HROB: variants seen among roughly 807,000 people sequenced by gnomAD.
The protein encoded by HROB is homologous recombination factor with OB-fold.
A neutral mutation model predicts 61.0 loss-of-function variants in HROB; 44 were observed. The ratio of observed to expected loss-of-function variants is 0.72; its 90% confidence interval spans 0.57 to 0.93. HROB has a LOEUF of 0.93. HROB is among the 40% of genes least tolerant of loss of function. The probability of loss-of-function intolerance (pLI) is 0.00; values close to 1 mark genes in which losing one functional copy is unlikely to be tolerated. For synonymous variants in HROB, 301 were observed against 310.4 expected, an observed-to-expected ratio of 0.97 and a Z score of 0.32; for missense variants, 716 against 796.2, an observed-to-expected ratio of 0.90 and a Z score of 1.21.
In HROB at chr17:44,142,087, TC is replaced by T; in HGVS notation, c.-52del. 6.5e-7 allele frequency: 1 copy of T among 1,530,048 alleles called. No individual in the cohort carries two copies. The highest frequency in any genetic ancestry group is 1.4e-5 in the African/African-American group (1 of 72,258). 94.8% of individuals were successfully genotyped at this position (1,530,048 alleles called of 1,614,324 possible). A position where few individuals can be genotyped will look rare whatever the true frequency, so the allele number is the denominator to read the frequency against. On this transcript the variant is annotated 5_prime_UTR_variant, in exon 1 of 10. Coordinates refer to ENST00000585683, the MANE Select transcript of HROB (RefSeq NM_001171251.3). ...GGGTCGTGTCCAAGGCCCCGGCGAC[TC>T]CCCGGACTCGGGGTGCCGGGCCAAC...
At position 44,152,629 on chromosome 17, in the gene HROB, G is replaced by A; in HGVS notation, c.1309-8G>A. 1 of 1,613,850 alleles carries A rather than the reference G, an allele frequency of 6.2e-7. No homozygotes were observed. The highest frequency in any genetic ancestry group is 8.5e-7 in the Non-Finnish European group (1 of 1,179,834). ...CATACAGGCTCCCCCTCTGCTCTGTGGTACCAGATTGTTGCTAGTTCCCAG... is the reference window on the plus strand; with the variant it reads ...CATACAGGCTCCCCCTCTGCTCTGTAGTACCAGATTGTTGCTAGTTCCCAG... On this transcript the variant is annotated splice_region_variant and splice_polypyrimidine_tract_variant and intron_variant, in intron 4 of 9. Transcript: ENST00000585683.
At position 44,152,879 on chromosome 17, in the gene HROB, G is replaced by A. The variant is rs367602512; in HGVS notation, c.1449+102G>A. On this transcript the variant is annotated intron_variant, in intron 5 of 9. Transcript: ENST00000585683. Reference sequence around the variant, plus strand: ...TTAGGAAGGGGCTGTTTGCTCCCTCGTACCCTATACAAGTAGCAGCACGAA... The same window carrying A: ...TTAGGAAGGGGCTGTTTGCTCCCTCATACCCTATACAAGTAGCAGCACGAA... 73 of 1,404,420 alleles carry A rather than the reference G, an allele frequency of 5.2e-5. No individual in the cohort carries two copies. In the East Asian group the frequency reaches 1.5e-3, roughly 29 times the overall value. 87.0% of individuals were successfully genotyped at this position (1,404,420 alleles called of 1,614,324 possible).
intron 5 of HROB, among the ~76,000 whole-genome samples, chr17:44,153,120 C>T (rs181735179): frequency 6.6e-6 from 1 of 152,232 alleles, no homozygotes; most frequent in East Asian, 1.9e-4. Context: ...CTGCCTGTGA[C>T]TGTTATGATG....
chr17:44,142,717 C>T (rs2053491497), intron 1 of HROB, among the ~76,000 whole-genome samples: 1 of 152,060 alleles, frequency 6.6e-6, no homozygotes, highest in African/African-American at 2.4e-5. Context: ...AAAGAAGGAA[C>T]CGTGGACTGG....
At chr17:44,156,206 C>T (rs769240261) in intron 8 of HROB, among the ~76,000 whole-genome samples, 5 of 152,088 alleles carry the variant, frequency 3.3e-5, no homozygotes, top group African/African-American at 1.2e-4. Context: ...CTCAAAATCA[C>T]CCCACTTCTA....
Position 44,148,049 on chromosome 17 carries a change from T to C in HROB, c.246T>C (p.Pro82=), listed in dbSNP as rs1375088046. Residue 82 remains proline (P), a synonymous_variant, in exon 3 of 10, where the codon CCT becomes CCC. Transcript: ENST00000585683. ...TGCCAGACTTGGACCTCTGCCTCCC[T>C]GCCTCCAGCACGCCCAGTGCTGACA... ...LGLPDLDLCL[P]ASSTPSADSR... 1.2e-6 allele frequency: 2 copies of C among 1,614,028 alleles called. No individual in the cohort carries two copies. The highest frequency in any genetic ancestry group is 1.7e-6 in the Non-Finnish European group (2 of 1,180,046).
intron 9 of HROB, 124 bp from the exon 10 acceptor site, chr17:44,161,747 G>A: frequency 9.9e-7 from 1 of 1,011,026 alleles, no homozygotes; most frequent in Non-Finnish European, 1.5e-6. Flanking sequence ...CCACTGCCTG[G>A]AGGAGCCGCC....
At chr17:44,142,693 G>T (rs1290303248) in intron 1 of HROB, among the ~76,000 whole-genome samples, 1 of 152,040 alleles carries the variant, frequency 6.6e-6, no homozygotes, top group African/African-American at 2.4e-5. Flanking sequence ...GGCTACAGCA[G>T]CCCTGCTGGC....
At chr17:44,154,444 C>G (rs2053909721) in intron 5 of HROB, 112 bp from the exon 6 acceptor site, 1 of 939,208 alleles carries the variant, frequency 1.1e-6, no homozygotes, top group South Asian at 1.4e-5. Context: ...AAGATCATCA[C>G]TATAACTATA....
In HROB at chr17:44,148,109, G is replaced by C. The variant is rs1032242768; in HGVS notation, c.306G>C (p.Arg102Ser). Reference protein sequence around the residue: ...RPSCIGAAPLRPVSTSSSWIG... With the variant: ...RPSCIGAAPLSPVSTSSSWIG... ...CATGCATAGGAGCAGCTCCCCTAAG[G>C]CCTGTCTCTACTTCCAGCAGCTGGA... The change falls in exon 3 of 10, where the codon AGG (arginine) becomes AGC (serine). Residue 102 changes from arginine (R) to serine (S), a missense_variant. Coordinates refer to ENST00000585683, the MANE Select transcript of HROB (RefSeq NM_001171251.3). 1.9e-6 allele frequency: 3 copies of C among 1,614,132 alleles called. No individual in the cohort carries two copies. The highest frequency in any genetic ancestry group is 2.5e-6 in the Non-Finnish European group (3 of 1,180,024).
intron 5 of HROB, among the ~76,000 whole-genome samples, chr17:44,153,391 G>T (rs1304488725): frequency 6.6e-6 from 1 of 151,984 alleles, no homozygotes; most frequent in Non-Finnish European, 1.5e-5. Context: ...GGAGGTTGAG[G>T]CTACAGTGAA....
chr17:44,152,905 G>T (rs2053858880), intron 5 of HROB, 128 bp downstream of exon 5: 1 of 1,213,856 alleles, frequency 8.2e-7, no homozygotes, highest in Non-Finnish European at 1.1e-6. Flanking sequence ...GCAGCACGAA[G>T]CCCCTTTGGT....
intron 9 of HROB, among the ~76,000 whole-genome samples, chr17:44,161,285 T>C (rs1369701645): frequency 6.6e-6 from 1 of 152,136 alleles, no homozygotes; most frequent in Non-Finnish European, 1.5e-5. Flanking sequence ...TGAATGTTTA[T>C]TGAGGCACAG....
At chr17:44,147,439 T>TC in intron 2 of HROB, among the ~76,000 whole-genome samples, 1 of 144,302 alleles carries the variant, frequency 6.9e-6, no homozygotes, top group Non-Finnish European at 1.5e-5. Flanking sequence ...TTTCTTTCTT[T>TC]TTTTTTTTTT....
chr17:44,156,893 C>T (rs1387463432), intron 8 of HROB, among the ~76,000 whole-genome samples: 3 of 152,064 alleles, frequency 2.0e-5, no homozygotes, highest in African/African-American at 7.3e-5. Context: ...GAACTCCTGA[C>T]CTTGTGATCC....
In HROB at chr17:44,148,154, G is replaced by A; in HGVS notation, c.351G>A (p.Val117=). 6.2e-7 allele frequency: 1 copy of A among 1,614,182 alleles called. No homozygotes were observed. The highest frequency in any genetic ancestry group is 1.3e-5 in the African/African-American group (1 of 75,040). ...SSSWIGNQRR[V]TVTEVLRETA... ...GCTGGATTGGCAATCAGAGAAGAGT[G>A]ACAGTGACAGAAGTGCTCAGAGAGA... Residue 117 remains valine, a synonymous_variant, in exon 3 of 10, where the codon GTG becomes GTA. Coordinates refer to ENST00000585683, the MANE Select transcript of HROB (RefSeq NM_001171251.3).
rs535262781 is a variant in HROB at position 44,162,023 on chromosome 17, T to C, written c.*91T>C. 3.7e-5 allele frequency: 53 copies of C among 1,436,444 alleles called. No homozygotes were observed. The East Asian group carries it at 7.8e-4, about 21-fold the overall frequency. The allele number at this position is 1,436,444 out of a possible 1,614,324, so 89.0% of individuals were successfully genotyped here. On this transcript the variant is annotated 3_prime_UTR_variant, in exon 10 of 10. Coordinates refer to ENST00000585683, the MANE Select transcript of HROB (RefSeq NM_001171251.3). ...AAGGGGGAGAAGAAGGCCAGCATGA[T>C]TGGAGAGTGGACACAGCCGGGGGGC...
intron 7 of HROB, 48 bp from the exon 8 acceptor site, chr17:44,155,238 C>T (rs1184896040): frequency 6.2e-7 from 1 of 1,607,294 alleles, no homozygotes; most frequent in Non-Finnish European, 8.5e-7. Context: ...CATCTGGCAG[C>T]TCCCAGTGCT....
rs925310748 is a variant in HROB at position 44,158,001 on chromosome 17, C to A, written c.1879+60C>A. The A allele has an allele frequency of 3.4e-6, 4 of 1,191,434 alleles. No homozygotes were observed. The African/African-American group carries it at 6.1e-5, about 18-fold the overall frequency. 73.8% of individuals were successfully genotyped at this position (1,191,434 alleles called of 1,614,324 possible). A position where few individuals can be genotyped will look rare whatever the true frequency, so the allele number is the denominator to read the frequency against. On this transcript the variant is annotated intron_variant, in intron 9 of 9. Transcript: ENST00000585683. ...TTCTATTTCCTGTTGAATAGCTGAA[C>A]CAGAATCTTCCTGGCTATATCTTGT...
Sources: gnomAD v4.1 joint callset for allele counts (sites outside exome capture counted in the v4.1 genomes callset) on GRCh38, gnomAD v4.1.1 for gene constraint, MANE v1.5 for transcripts, NCBI Gene and HGNC (gene_info 2026-07-23, HGNC 2026-07-21) for gene names.